Variants in CCDC178 observed in about 807,000 individuals in gnomAD.
CCDC178 encodes coiled-coil domain-containing protein 178.
In CCDC178, 126 loss-of-function variants were observed where a neutral mutation model predicts 117.4. The observed-to-expected ratio is 1.07, with a 90% CI of 0.93 to 1.24. The LOEUF (loss-of-function observed/expected upper bound fraction) is 1.24, where lower values mean the gene tolerates loss of function less well. Among genes scored for constraint, CCDC178 ranks in the 50% most tolerant of loss-of-function variants. The probability of loss-of-function intolerance (pLI) is 0.00; values close to 1 mark genes in which losing one functional copy is unlikely to be tolerated. For missense variants in CCDC178, 1,030 were observed against 986.9 expected (o/e 1.04, Z -0.59); for synonymous variants, 283 against 313.4 (o/e 0.90, Z 1.02).
In CCDC178 at chr18:32,997,707, C is replaced by T. The variant is rs567438971; in HGVS notation, c.2389-23026G>A. On this transcript the variant is annotated intron_variant, in intron 21 of 22. Transcript: ENST00000383096. Reference sequence around the variant, plus strand: ...ACATATTATATATTATCTATCTATTCGTCTATCTATCTGTCTGACTATTTA... The same window carrying T: ...ACATATTATATATTATCTATCTATTTGTCTATCTATCTGTCTGACTATTTA... Among the ~76,000 whole-genome samples, 17 of 151,782 alleles carry T rather than the reference C, an allele frequency of 1.1e-4. No homozygotes were observed. In the South Asian group the frequency reaches 3.1e-3, roughly 28 times the overall value.
intron 20 of CCDC178, among the ~76,000 whole-genome samples, chr18:33,166,575 G>A (rs1486711336): frequency 6.6e-6 from 1 of 152,026 alleles, no homozygotes; most frequent in Non-Finnish European, 1.5e-5. Context: ...TGAATGACAA[G>A]GTTCAGTAAC....
At chr18:33,331,440 A>G (rs987222446) in intron 10 of CCDC178, among the ~76,000 whole-genome samples, 1 of 152,038 alleles carries the variant, frequency 6.6e-6, no homozygotes, top group African/African-American at 2.4e-5. Context: ...AGCTGCAGCT[A>G]TCATATCAAG....
chr18:32,972,142 A>G (rs867075128), intron 22 of CCDC178, among the ~76,000 whole-genome samples: 3 of 152,084 alleles, frequency 2.0e-5, no homozygotes, highest in African/African-American at 7.2e-5. Flanking sequence ...AAGGGGTTTT[A>G]CGGCTTTGGG....
At chr18:33,239,154 C>T (rs2059458047) in intron 15 of CCDC178, among the ~76,000 whole-genome samples, 1 of 151,978 alleles carries the variant, frequency 6.6e-6, no homozygotes, top group Non-Finnish European at 1.5e-5. Flanking sequence ...AAAACAATAA[C>T]TATCAGGAAA....
intron 20 of CCDC178, among the ~76,000 whole-genome samples, chr18:33,208,130 G>C (rs1383366883): frequency 6.6e-6 from 1 of 151,994 alleles, no homozygotes; most frequent in Non-Finnish European, 1.5e-5. Context: ...TTATATAATT[G>C]TGTGTGATTA....
chr18:33,302,035 G>T (rs547022281), intron 11 of CCDC178, among the ~76,000 whole-genome samples: 1 of 152,278 alleles, frequency 6.6e-6, no homozygotes, highest in East Asian at 1.9e-4. Flanking sequence ...TTGGTCATGG[G>T]AGTGGATCCT....
chr18:33,258,152 C>T (rs989010549), intron 14 of CCDC178, among the ~76,000 whole-genome samples: 4 of 152,112 alleles, frequency 2.6e-5, no homozygotes, highest in Non-Finnish European at 5.9e-5. Flanking sequence ...CATCACTAAG[C>T]AGCCCAAGTG....
At chr18:32,949,593 T>C (rs2054434851) in intron 22 of CCDC178, among the ~76,000 whole-genome samples, 1 of 152,274 alleles carries the variant, frequency 6.6e-6, no homozygotes, top group African/African-American at 2.4e-5. Context: ...TGGGTCCTTT[T>C]TATATCTTCA....
chr18:32,989,344 C>T (rs565393403), intron 21 of CCDC178, among the ~76,000 whole-genome samples: 21 of 152,002 alleles, frequency 1.4e-4, no homozygotes, highest in Non-Finnish European at 3.1e-4. Flanking sequence ...CATTAATCCC[C>T]GAAAAGGAGA....
At chr18:33,043,725 T>C (rs1477695445) in intron 21 of CCDC178, among the ~76,000 whole-genome samples, 2 of 151,970 alleles carry the variant, frequency 1.3e-5, no homozygotes, top group African/African-American at 4.8e-5. Flanking sequence ...TGTAACCATA[T>C]TCATGGAATC....
intron 10 of CCDC178, among the ~76,000 whole-genome samples, chr18:33,330,000 T>C (rs1399907206): frequency 1.3e-5 from 2 of 150,262 alleles, no homozygotes; most frequent in Non-Finnish European, 3.0e-5. Context: ...AATCACTTAT[T>C]CAATCTCTTT....
At chr18:33,291,717 G>A (rs1312046690) in intron 12 of CCDC178, among the ~76,000 whole-genome samples, 1 of 152,082 alleles carries the variant, frequency 6.6e-6, no homozygotes, top group Non-Finnish European at 1.5e-5. Flanking sequence ...TTCCAAGCAG[G>A]AGCACACCAC....
At chr18:33,368,908 G>A (rs1046805717) in intron 6 of CCDC178, among the ~76,000 whole-genome samples, 2 of 151,638 alleles carry the variant, frequency 1.3e-5, no homozygotes, top group Non-Finnish European at 2.9e-5. Flanking sequence ...TTTAATAAGT[G>A]GTAGTTGTTA....
At chr18:33,188,506 A>G (rs1421901424) in intron 20 of CCDC178, among the ~76,000 whole-genome samples, 2 of 152,186 alleles carry the variant, frequency 1.3e-5, no homozygotes, top group Non-Finnish European at 2.9e-5. Context: ...GATGAAACAA[A>G]TGAGAAGGTC....
intron 9 of CCDC178, among the ~76,000 whole-genome samples, chr18:33,335,865 C>T (rs2062732712): frequency 6.6e-6 from 1 of 151,904 alleles, no homozygotes. Context: ...ACCCATTGAA[C>T]CTGTATCTTC....
At chr18:33,013,648 C>T (rs2055920195) in intron 21 of CCDC178, among the ~76,000 whole-genome samples, 1 of 152,126 alleles carries the variant, frequency 6.6e-6, no homozygotes, top group Non-Finnish European at 1.5e-5. Flanking sequence ...GTCATTTGCT[C>T]TGCCTTCAGT....
In CCDC178 at chr18:33,294,148, C is replaced by T. The variant is rs114701618; in HGVS notation, c.1023-836G>A. Among the ~76,000 whole-genome samples the T allele has an allele frequency of 5.9e-3, 891 of 152,260 alleles. 10 individuals carry two copies. Among genetic ancestry groups the T allele is most frequent in the African/African-American group, 0.021 (859 of 41,564 alleles). On this transcript the variant is annotated intron_variant, in intron 11 of 22. Coordinates refer to ENST00000383096, the MANE Select transcript of CCDC178 (RefSeq NM_001105528.4). Reference sequence around the variant, plus strand: ...TATGACCCTCCCAAGAGGACCAATGCTAATCTGTGAACCACACAATCCTTT... The same window carrying T: ...TATGACCCTCCCAAGAGGACCAATGTTAATCTGTGAACCACACAATCCTTT...
intron 21 of CCDC178, among the ~76,000 whole-genome samples, chr18:32,985,747 A>G (rs1000967849): frequency 4.6e-5 from 7 of 152,078 alleles, no homozygotes; most frequent in Non-Finnish European, 8.8e-5. Flanking sequence ...ATTGACTCAT[A>G]TTAAGGAAAC....
At chr18:33,111,548 G>A (rs1392355794) in intron 20 of CCDC178, among the ~76,000 whole-genome samples, 1 of 151,228 alleles carries the variant, frequency 6.6e-6, no homozygotes, top group Non-Finnish European at 1.5e-5. Context: ...TTTGATTTTG[G>A]GTAAGTCAAA....
Sources: gnomAD v4.1 joint callset for allele counts (sites outside exome capture counted in the v4.1 genomes callset) on GRCh38, gnomAD v4.1.1 for gene constraint, MANE v1.5 for transcripts, NCBI Gene and HGNC (gene_info 2026-07-23, HGNC 2026-07-21) for gene names.